PARD3B: variants seen among roughly 807,000 people sequenced by gnomAD.
PARD3B encodes partitioning defective 3 homolog B.
PARD3B carries 103 observed loss-of-function variants against 130.2 expected under a neutral mutation model. The ratio of observed to expected loss-of-function variants is 0.79; its 90% CI spans 0.67 to 0.93. The LOEUF (loss-of-function observed/expected upper bound fraction) is 0.93. PARD3B is among the 40% of genes least tolerant of loss of function. PARD3B has a pLI of 0.00. For missense variants in PARD3B, 1,609 were observed against 1,499.2 expected (o/e 1.07, Z -1.21); for synonymous variants, 583 against 553.2 (o/e 1.05, Z -0.76).
At chr2:205,581,047 A>G (rs10439336) in intron 22 of PARD3B, among the ~76,000 whole-genome samples, 21,177 of 151,994 alleles carry the variant, frequency 0.14, 1,605 homozygotes, top group East Asian at 0.24. Context: ...GAATAAGATT[A>G]AGCATTAACT....
chr2:204,857,424 G>A (rs2125619879), intron 2 of PARD3B, among the ~76,000 whole-genome samples: 1 of 152,134 alleles, frequency 6.6e-6, no homozygotes, highest in East Asian at 1.9e-4. Flanking sequence ...CCATTTCTAG[G>A]TTCATGACTG....
At chr2:205,262,199 A>C (rs2040340641) in intron 16 of PARD3B, among the ~76,000 whole-genome samples, 1 of 152,100 alleles carries the variant, frequency 6.6e-6, no homozygotes, top group Non-Finnish European at 1.5e-5. Context: ...GACAGCCCAT[A>C]GTCATATTGC....
rs909733414 is a variant in PARD3B at position 204,907,386 on chromosome 2, C to A, written c.223-57766C>A. Among the ~76,000 whole-genome samples, 46 of 152,250 alleles carry A rather than the reference C, an allele frequency of 3.0e-4. No homozygotes were observed. Among genetic ancestry groups the A allele is most frequent in the African/African-American group, 9.9e-4 (41 of 41,560 alleles). On this transcript the variant is annotated intron_variant, in intron 2 of 22. Transcript: ENST00000406610. The surrounding 1 kb of genome is among the most constrained non-coding windows in gnomAD (Gnocchi z 5.7). ...TTGAAAGTTGTAAATTTTAGTACAC[C>A]TTCATTTACATTTCTATTTGAATGT...
chr2:205,455,617 T>C (rs945300931), intron 20 of PARD3B, among the ~76,000 whole-genome samples: 2 of 151,978 alleles, frequency 1.3e-5, no homozygotes, highest in Admixed American at 1.3e-4. Context: ...TCTGTAACCA[T>C]ATAGTTATAA....
intron 1 of PARD3B, among the ~76,000 whole-genome samples, chr2:204,639,852 G>A (rs543243265): frequency 4.5e-4 from 69 of 152,282 alleles, no homozygotes; most frequent in African/African-American, 1.7e-3. Flanking sequence ...AGAAAGGCTT[G>A]GTGATGTATT....
Position 205,253,625 on chromosome 2 carries a change from AC to A in PARD3B, c.2185+7806del. ...AAAGAAGCCTCCTTGGGGTTCCATTACCCACACTCCAAGGTGGAAATCTTTC... is the reference window on the plus strand; with the variant it reads ...AAAGAAGCCTCCTTGGGGTTCCATTACCACACTCCAAGGTGGAAATCTTTC... On this transcript the variant is annotated intron_variant, in intron 16 of 22. Transcript: ENST00000406610. This position sits in a 1 kb window ranked among gnomAD's most constrained non-coding sequence, Gnocchi z 4.4. 1 of 373,450 alleles carries A rather than the reference AC, an allele frequency of 2.7e-6. No individual in the cohort carries two copies. 23.1% of individuals were successfully genotyped at this position (373,450 alleles called of 1,614,324 possible).
intron 2 of PARD3B, among the ~76,000 whole-genome samples, chr2:204,959,956 C>T (rs1690601198): frequency 6.6e-6 from 1 of 152,190 alleles, no homozygotes; most frequent in South Asian, 2.1e-4. Context: ...ACCTCTTTCT[C>T]TCAAACAGGG....
At chr2:204,558,365 A>T (rs555419241) in intron 1 of PARD3B, among the ~76,000 whole-genome samples, 1 of 152,224 alleles carries the variant, frequency 6.6e-6, no homozygotes, top group African/African-American at 2.4e-5. Flanking sequence ...ATACAAAATC[A>T]GTGTGCAAAA....
intron 1 of PARD3B, among the ~76,000 whole-genome samples, chr2:204,593,207 A>G (rs550782966): frequency 3.3e-5 from 5 of 152,188 alleles, no homozygotes; most frequent in Non-Finnish European, 7.3e-5. Flanking sequence ...GTCAAGGGCT[A>G]CTATAACAGG....
chr2:205,519,752 C>T (rs1288144285), intron 21 of PARD3B, among the ~76,000 whole-genome samples: 4 of 151,804 alleles, frequency 2.6e-5, no homozygotes, highest in Non-Finnish European at 5.9e-5. Context: ...AGTCAGTAGA[C>T]TTCTTTTCTG....
intron 10 of PARD3B, among the ~76,000 whole-genome samples, chr2:205,126,341 A>G (rs1003856702): frequency 1.3e-5 from 2 of 152,150 alleles, no homozygotes; most frequent in Non-Finnish European, 2.9e-5. Context: ...AAATTCATGT[A>G]CATTGATTTT....
chr2:204,630,937 G>T (rs1258007145), intron 1 of PARD3B, among the ~76,000 whole-genome samples: 4 of 151,842 alleles, frequency 2.6e-5, no homozygotes, highest in Non-Finnish European at 4.4e-5. Context: ...TTTTTGAAGG[G>T]TTTTTTATGT....
chr2:204,583,622 TAAAA>T (rs1183973275), intron 1 of PARD3B, among the ~76,000 whole-genome samples: 1,161 of 70,748 alleles, frequency 0.016, 16 homozygotes, highest in African/African-American at 0.051. Context: ...ACTTAAAGTA[TAAAA>T]AAAAAAAAAA....
chr2:204,873,306 C>T (rs1030785431), intron 2 of PARD3B, among the ~76,000 whole-genome samples: 1 of 152,134 alleles, frequency 6.6e-6, no homozygotes, highest in African/African-American at 2.4e-5. Flanking sequence ...GTCCTCACAA[C>T]AGTAATATAT....
In PARD3B at chr2:205,315,883, A is replaced by AT. The variant is rs113749633; in HGVS notation, c.2630+14188dup. On this transcript the variant is annotated intron_variant, in intron 18 of 22. Transcript: ENST00000406610. ...TTTGCATTTCTCTCCTTCCCATCAA[A>AT]TTTTTTCTTACAGTCTGAGTTTTTC... Among the ~76,000 whole-genome samples, 2 of 151,890 alleles carry AT rather than the reference A, an allele frequency of 1.3e-5. 1 individual carries two copies. The highest frequency in any genetic ancestry group is 4.8e-5 in the African/African-American group (2 of 41,412).
chr2:204,898,644 T>G (rs2046733580), intron 2 of PARD3B, among the ~76,000 whole-genome samples: 1 of 152,234 alleles, frequency 6.6e-6, no homozygotes, highest in Non-Finnish European at 1.5e-5. Context: ...ACATTTGGTC[T>G]GTAGTGAAGA....
At chr2:205,435,837 T>G (rs966312368) in intron 19 of PARD3B, among the ~76,000 whole-genome samples, 1 of 152,166 alleles carries the variant, frequency 6.6e-6, no homozygotes, top group African/African-American at 2.4e-5. Flanking sequence ...CCCACAGATA[T>G]TTAGTCTTAG....
At chr2:204,830,537 C>T (rs1262752289) in intron 2 of PARD3B, among the ~76,000 whole-genome samples, 2 of 152,112 alleles carry the variant, frequency 1.3e-5, no homozygotes, top group Non-Finnish European at 2.9e-5. Context: ...GTATGGACAC[C>T]TGGCATGTAT....
At chr2:204,741,948 G>A (rs531611775) in intron 2 of PARD3B, among the ~76,000 whole-genome samples, 1 of 152,198 alleles carries the variant, frequency 6.6e-6, no homozygotes, top group South Asian at 2.1e-4. Context: ...TCTCAGTGTG[G>A]TCCCTGGGCC....
Sources: gnomAD v4.1 joint callset for allele counts (sites outside exome capture counted in the v4.1 genomes callset) on GRCh38, gnomAD v4.1.1 for gene constraint, Gnocchi (gnomAD v3.1) non-coding constraint, MANE v1.5 for transcripts, NCBI Gene and HGNC (gene_info 2026-07-23, HGNC 2026-07-21) for gene names.